The following PCDHA4 variants were observed in gnomAD, a reference collection of about 807,000 sequenced individuals.
The protein encoded by PCDHA4 is protocadherin alpha 4.
A neutral mutation model predicts 61.4 loss-of-function variants in PCDHA4; 49 were observed. The ratio of observed to expected loss-of-function variants is 0.80; its 90% CI spans 0.63 to 1.01. The LOEUF is 1.01. PCDHA4 is among the 50% of genes least tolerant of loss of function. The pLI is 0.00. For missense variants in PCDHA4, 1,254 were observed against 1,235.8 expected, an observed-to-expected ratio of 1.01 and a Z score of -0.22; for synonymous variants, 590 against 550.3, an observed-to-expected ratio of 1.07 and a Z score of -1.01.
intron 1 of PCDHA4, among the ~76,000 whole-genome samples, chr5:140,945,698 T>C (rs530742031): frequency 3.9e-5 from 6 of 152,046 alleles, no homozygotes; most frequent in Non-Finnish European, 8.8e-5. Flanking sequence ...GTCCACTGAT[T>C]TGCAACAAAA....
intron 1 of PCDHA4, chr5:140,927,108 C>A (rs782811125): frequency 6.2e-7 from 1 of 1,613,646 alleles, no homozygotes; most frequent in Non-Finnish European, 8.5e-7. Context: ...ATCTACCCAG[C>A]GGCAATTTGG....
chr5:140,875,516 TG>T, intron 1 of PCDHA4: 1 of 1,613,976 alleles, frequency 6.2e-7, no homozygotes, highest in Non-Finnish European at 8.5e-7. Context: ...CAGCGTCTGC[TG>T]CTCTCGCTTC....
chr5:140,863,488 A>G (rs1554158271), intron 1 of PCDHA4: 1 of 451,898 alleles, frequency 2.2e-6, no homozygotes, highest in Admixed American at 2.5e-5. Context: ...CCCAAGGTCA[A>G]CATTACGGCT....
intron 1 of PCDHA4, among the ~76,000 whole-genome samples, chr5:140,820,649 A>C (rs1413009255): frequency 6.6e-6 from 1 of 152,120 alleles, no homozygotes; most frequent in Non-Finnish European, 1.5e-5. Context: ...GAGATTAAAA[A>C]GTAATTAAAC....
rs781993408 is a variant in PCDHA4 at position 140,809,528 on chromosome 5, G to C, written c.2341G>C (p.Asp781His). 6.2e-6 allele frequency: 10 copies of C among 1,614,046 alleles called. No individual in the cohort carries two copies. The highest frequency in any genetic ancestry group is 7.6e-6 in the Non-Finnish European group (9 of 1,179,952). The change falls in exon 1 of 4, where the codon GAC (aspartate) becomes CAC (histidine). Residue 781 changes from aspartate to histidine, a missense_variant. Transcript: ENST00000530339. ...CAGCCCCAGTTTACCTGACTCTAGG[G>C]ACAGAGAAGATCAGCTGCAGACAAC... ...AFSPSLPDSR[D>H]REDQLQTTEE...
chr5:140,828,917 G>A (rs1770028810), intron 1 of PCDHA4: 1 of 1,614,204 alleles, frequency 6.2e-7, no homozygotes, highest in South Asian at 1.1e-5. Flanking sequence ...AGCGAATGGG[G>A]CAATTTCATA....
chr5:140,963,766 A>G (rs574963836), intron 1 of PCDHA4, among the ~76,000 whole-genome samples: 1 of 152,372 alleles, frequency 6.6e-6, no homozygotes, highest in South Asian at 2.1e-4. Flanking sequence ...GTTGTATTTC[A>G]TGACGACAGC....
intron 1 of PCDHA4, chr5:140,968,172 T>C (rs2096226402): frequency 6.2e-7 from 1 of 1,614,110 alleles, no homozygotes; most frequent in Non-Finnish European, 8.5e-7. Flanking sequence ...CCACCAAGCT[T>C]CCTGGAGGAC....
intron 1 of PCDHA4, among the ~76,000 whole-genome samples, chr5:140,975,398 TCA>T (rs1554236785): frequency 1.3e-4 from 20 of 152,270 alleles, no homozygotes. Flanking sequence ...TCCATCACAA[TCA>T]CAGTCTTGGA....
chr5:140,930,098 A>G (rs1345846320), intron 1 of PCDHA4: 1 of 152,124 alleles, frequency 6.6e-6, no homozygotes, highest in Non-Finnish European at 1.5e-5. Flanking sequence ...ATTTATACTG[A>G]TAGGAGATCA....
At chr5:140,882,217 A>C in intron 1 of PCDHA4, 1 of 1,542,972 alleles carries the variant, frequency 6.5e-7, no homozygotes, top group Non-Finnish European at 8.7e-7. Context: ...AGACAGTTTG[A>C]GGTAAGGCGT....
chr5:140,873,464 T>C (rs904556302), intron 1 of PCDHA4, among the ~76,000 whole-genome samples: 1 of 152,214 alleles, frequency 6.6e-6, no homozygotes, highest in Non-Finnish European at 1.5e-5. Context: ...TTTTAGATAA[T>C]TCAAATTACT....
chr5:140,878,848 G>T (rs1477391344), intron 1 of PCDHA4, among the ~76,000 whole-genome samples: 1 of 152,138 alleles, frequency 6.6e-6, no homozygotes, highest in Non-Finnish European at 1.5e-5. Context: ...GAACTTCTGG[G>T]TTCAACTGAT....
In PCDHA4 at chr5:140,823,709, G is replaced by C. The variant is rs2150128449; in HGVS notation, c.2385+14137G>C. On this transcript the variant is annotated intron_variant, in intron 1 of 3. Transcript: ENST00000530339. ...GATGAGACCGAAGCACCGCGCCACCGCCTTCTGGTGCTGGTGAAGGACCAT... is the reference window on the plus strand; with the variant it reads ...GATGAGACCGAAGCACCGCGCCACCCCCTTCTGGTGCTGGTGAAGGACCAT... 4 of 1,613,832 alleles carry C rather than the reference G, an allele frequency of 2.5e-6. No homozygotes were observed. The African/African-American group carries it at 5.3e-5, about 22-fold the overall frequency.
chr5:140,856,308 C>G, intron 1 of PCDHA4: 1 of 1,598,620 alleles, frequency 6.3e-7, no homozygotes, highest in Non-Finnish European at 8.6e-7. Context: ...TTTGTGAATT[C>G]TCGGATTGAC....
chr5:140,902,666 C>A (rs1554190555), intron 1 of PCDHA4, among the ~76,000 whole-genome samples: 1 of 152,122 alleles, frequency 6.6e-6, no homozygotes, highest in Non-Finnish European at 1.5e-5. Context: ...GTCACCCAAG[C>A]AGTGTACACC....
chr5:140,823,197 CA>C (rs2150123316), intron 1 of PCDHA4: 69 of 1,613,746 alleles, frequency 4.3e-5, no homozygotes, highest in Non-Finnish European at 5.6e-5. Context: ...GCCACATCTT[CA>C]CGGTGTCTGC....
intron 3 of PCDHA4, among the ~76,000 whole-genome samples, chr5:140,989,980 C>T (rs1172154204): frequency 6.6e-6 from 1 of 152,012 alleles, no homozygotes; most frequent in South Asian, 2.1e-4. Context: ...AGCAACAGCC[C>T]TGCCTGAAAT....
In PCDHA4 at chr5:140,967,672, C is replaced by G. The variant is rs781956405; in HGVS notation, c.2386-11277C>G. 36 of 1,614,182 alleles carry G rather than the reference C, an allele frequency of 2.2e-5. No individual in the cohort carries two copies. The South Asian group carries it at 3.8e-4, about 17-fold the overall frequency. ...ACTCCTTGAGCAGCTACACGTCGGACCGGGAGAGGCAGCTCTTCAGCATAG... is the reference window on the plus strand; with the variant it reads ...ACTCCTTGAGCAGCTACACGTCGGAGCGGGAGAGGCAGCTCTTCAGCATAG... On this transcript the variant is annotated intron_variant, in intron 1 of 3. Transcript: ENST00000530339.
Sources: gnomAD v4.1 joint callset for allele counts (sites outside exome capture counted in the v4.1 genomes callset) on GRCh38, gnomAD v4.1.1 for gene constraint, MANE v1.5 for transcripts, NCBI Gene and HGNC (gene_info 2026-07-23, HGNC 2026-07-21) for gene names.